HUWE1: variants seen among roughly 807,000 people sequenced by gnomAD.
HUWE1 encodes the protein HECT, UBA and WWE domain containing E3 ubiquitin protein ligase 1.
Under a neutral mutation model 299.4 loss-of-function variants are expected in HUWE1, and 18 were observed. That is an observed-to-expected ratio of 0.06 (90% CI 0.04 to 0.09). HUWE1 has a LOEUF of 0.09. HUWE1 is among the 10% of genes least tolerant of loss of function. The pLI is 1.00. For missense variants in HUWE1, 1,832 were observed against 3,462.3 expected (o/e 0.53, Z 11.82); for synonymous variants, 1,317 against 1,286.1 (o/e 1.02, Z -0.51).
intron 3 of HUWE1, among the ~76,000 whole-genome samples, chrX:53,675,209 G>A (rs2069757153): frequency 1.8e-5 from 2 of 111,277 alleles, no homozygotes; most frequent in Non-Finnish European, 3.8e-5. Flanking sequence ...TGGAAGTAAG[G>A]CAGTTTAAAG....
intron 74 of HUWE1, among the ~76,000 whole-genome samples, chrX:53,540,806 A>C (rs2061312044): frequency 9.0e-6 from 1 of 111,114 alleles, no homozygotes; most frequent in African/African-American, 3.3e-5. Flanking sequence ...GTGGGGAGTA[A>C]GTGACTGTTT....
In HUWE1 at chrX:53,589,776, C is replaced by A; in HGVS notation, c.4232G>T (p.Arg1411Leu). Residue 1411 changes from arginine (R) to leucine (L), a missense_variant, in exon 36 of 84, where the codon CGG becomes CTG. By Grantham distance (102) the Arg-to-Leu change is moderately radical. Transcript: ENST00000262854. ...CRKEEEERKA[R>L]EKQEEEEAKC... is the part of the protein sequence containing the mutation. Reference sequence around the variant, plus strand: ...AGCCTCTTCCTCCTCCTGCTTTTCCCGAGCTTTCCGTTCCTCTTCCTCCTT... The same window carrying A: ...AGCCTCTTCCTCCTCCTGCTTTTCCAGAGCTTTCCGTTCCTCTTCCTCCTT... The A allele has an allele frequency of 8.3e-7, 1 of 1,210,188 alleles. No homozygotes were observed. Among genetic ancestry groups the A allele is most frequent in the Non-Finnish European group, 1.1e-6 (1 of 894,751 alleles).
At chrX:53,602,425 G>A (rs2064911602) in intron 28 of HUWE1, 139 bp downstream of exon 28, 1 of 399,924 alleles carries the variant, frequency 2.5e-6, no homozygotes, top group Admixed American at 3.8e-5. Context: ...TTTTATGGAA[G>A]AAATGACTAA....
At chrX:53,611,948 T>A (rs1557002766) in intron 23 of HUWE1, among the ~76,000 whole-genome samples, 1 of 110,870 alleles carries the variant, frequency 9.0e-6, no homozygotes, top group African/African-American at 3.3e-5. Flanking sequence ...AATGAGAGCA[T>A]GGGAAACAGA....
chrX:53,539,341 AAAAG>A (rs1391105845), intron 75 of HUWE1, among the ~76,000 whole-genome samples: 5 of 106,522 alleles, frequency 4.7e-5, no homozygotes, highest in Non-Finnish European at 9.7e-5. Flanking sequence ...AAAAAAAAAA[AAAAG>A]AAACAATGAG....
chrX:53,628,574 GAA>G lies in HUWE1; in HGVS notation c.1159_1160del (p.Phe387LeufsTer14). ...AGCTGGCCAGATGGTATAAAAAAGA[GAA>G]GAGAGCAGTGGCAAACTGGTGAGGG... ...PYPHQFATALFSFLYHLASYD... is the reference protein window; with the variant it reads ...PYPHQFATALXSFLYHLASYD... On this transcript the variant is annotated frameshift_variant, in exon 15 of 84. Transcript: ENST00000262854. LOFTEE classifies it high-confidence loss of function. The G allele has an allele frequency of 8.6e-7, 1 of 1,166,116 alleles. No individual in the cohort carries two copies.
At chrX:53,552,222 G>T in intron 63 of HUWE1, 89 bp downstream of exon 63, 1 of 1,058,112 alleles carries the variant, frequency 9.5e-7, no homozygotes, top group Admixed American at 2.2e-5. Context: ...CCATCTAAAT[G>T]GAACTGTTTG....
At chrX:53,583,938 G>GT (rs782505244) in intron 41 of HUWE1, 22 bp from the exon 42 acceptor site, 1 of 1,101,753 alleles carries the variant, frequency 9.1e-7, no homozygotes, top group African/African-American at 1.8e-5. Flanking sequence ...GAAAATAACA[G>GT]TTTTAGACAG....
At chrX:53,665,630 T>G (rs1376995505) in intron 3 of HUWE1, among the ~76,000 whole-genome samples, 9 of 112,364 alleles carry the variant, frequency 8.0e-5, no homozygotes, top group Non-Finnish European at 1.7e-4. Context: ...TCAGAAGAAC[T>G]AGGCAACCAA....
At chrX:53,559,832 C>T (rs1202616087) in intron 56 of HUWE1, among the ~76,000 whole-genome samples, 1 of 112,238 alleles carries the variant, frequency 8.9e-6, no homozygotes, top group Non-Finnish European at 1.9e-5. Context: ...CCAACCATTA[C>T]AACACTTATA....
chrX:53,565,828 C>T (rs2062504204), intron 49 of HUWE1, among the ~76,000 whole-genome samples: 3 of 109,349 alleles, frequency 2.7e-5, no homozygotes, highest in Non-Finnish European at 5.7e-5. Context: ...GATGGGGTTT[C>T]GCCATGTTGC....
intron 12 of HUWE1, among the ~76,000 whole-genome samples, chrX:53,630,047 G>C (rs2066766616): frequency 8.9e-6 from 1 of 112,373 alleles, no homozygotes; most frequent in East Asian, 2.8e-4. Flanking sequence ...GTGTGACACT[G>C]TAGTAAAACT....
At chrX:53,533,598 C>A in intron 83 of HUWE1, 187 bp from the exon 84 acceptor site, 2 of 469,129 alleles carry the variant, frequency 4.3e-6, no homozygotes, top group Admixed American at 6.7e-5. Context: ...CATCAGGCAC[C>A]AAAACCAAAA....
chrX:53,633,927 T>C (rs782561973), intron 8 of HUWE1, among the ~76,000 whole-genome samples: 25 of 112,227 alleles, frequency 2.2e-4, no homozygotes, highest in African/African-American at 7.8e-4. Flanking sequence ...CAAGCGAACA[T>C]ACTTTCTGGG....
rs782686804 is a variant in HUWE1, at chrX:53,624,579, T to C, written c.1672+16A>G. 8 of 1,128,737 alleles carry C rather than the reference T, an allele frequency of 7.1e-6. No individual in the cohort carries two copies. The highest frequency in any genetic ancestry group is 8.5e-6 in the Non-Finnish European group (7 of 819,671). The allele number at this position is 1,128,737 out of a possible 1,213,427, so 93.0% of individuals were successfully genotyped here. A position where few individuals can be genotyped will look rare whatever the true frequency, so the allele number is the denominator to read the frequency against. ...GTTATCCCAAATTGTTATAACCAAC[T>C]ATCAACTCCACTTACCTAGGAGGAA... On this transcript the variant is annotated intron_variant, in intron 19 of 83. Coordinates refer to ENST00000262854, the MANE Select transcript of HUWE1 (RefSeq NM_031407.7).
chrX:53,570,216 CTG>C (rs72291801), intron 47 of HUWE1, among the ~76,000 whole-genome samples: 18,937 of 112,295 alleles, frequency 0.17, 3,873 homozygotes, highest in African/African-American at 0.58. Context: ...TCTCAAACTC[CTG>C]TGTGTGTGTT....
chrX:53,662,477 A>G (rs2069052858), intron 3 of HUWE1, among the ~76,000 whole-genome samples: 1 of 111,781 alleles, frequency 8.9e-6, no homozygotes, highest in African/African-American at 3.3e-5. Flanking sequence ...GAGGCTTTCC[A>G]TGACAACCCA....
At chrX:53,590,327 T>TGCAATACTAGCAGAATGTTCACA (rs1430766424) in intron 35 of HUWE1, 77 bp downstream of exon 35, 3 of 663,088 alleles carry the variant, frequency 4.5e-6, no homozygotes, top group Non-Finnish European at 5.0e-6. Context: ...TCAATTAGTT[T>TGCAATACTAGCAGAATGTTCACA]GCAATACTAG....
chrX:53,562,027 G>A (rs1198783831), intron 54 of HUWE1, 84 bp downstream of exon 54: 1 of 1,208,953 alleles, frequency 8.3e-7, no homozygotes, highest in Non-Finnish European at 1.1e-6. Context: ...GCTGAGGCTA[G>A]CAACCCAGAC....
Sources: gnomAD v4.1 joint callset for allele counts (sites outside exome capture counted in the v4.1 genomes callset) on GRCh38, gnomAD v4.1.1 for gene constraint, MANE v1.5 for transcripts, NCBI Gene and HGNC (gene_info 2026-07-23, HGNC 2026-07-21) for gene names.